PCDHGA4: variants seen among roughly 807,000 people sequenced by gnomAD.
The protein encoded by PCDHGA4 is protocadherin gamma subfamily A, 4.
Under a neutral mutation model 54.6 loss-of-function variants are expected in PCDHGA4, and 38 were observed. The ratio of observed to expected loss-of-function variants is 0.70; its 90% CI spans 0.54 to 0.91. The LOEUF (loss-of-function observed/expected upper bound fraction) is 0.91. Among genes scored for constraint, PCDHGA4 ranks in the 40% least tolerant of loss-of-function variants. The pLI, the probability that PCDHGA4 is intolerant of heterozygous loss-of-function variation, is 0.00. For synonymous variants in PCDHGA4, 511 were observed against 512.9 expected, an observed-to-expected ratio of 1.00 and a Z score of 0.05; for missense variants, 1,298 against 1,220.9, an observed-to-expected ratio of 1.06 and a Z score of -0.94.
intron 1 of PCDHGA4, chr5:141,422,162 A>T: frequency 6.4e-7 from 1 of 1,571,230 alleles, no homozygotes; most frequent in Non-Finnish European, 8.6e-7. Context: ...GATTTTGAAA[A>T]ATATAGATTC....
At chr5:141,371,443 C>T in intron 1 of PCDHGA4, 1 of 1,613,978 alleles carries the variant, frequency 6.2e-7, no homozygotes, top group Non-Finnish European at 8.5e-7. Flanking sequence ...ATAACCCTGG[C>T]TTCTGAATCC....
In PCDHGA4 at chr5:141,356,548, C is replaced by G; in HGVS notation, c.1441C>G (p.Pro481Ala). ...LQVMDINDNP[P>A]TFPHASYSAY... Reference sequence around the variant, plus strand: ...AGTGATGGACATCAATGACAACCCACCCACTTTCCCTCATGCTTCCTACTC... The same window carrying G: ...AGTGATGGACATCAATGACAACCCAGCCACTTTCCCTCATGCTTCCTACTC... The change falls in exon 1 of 4, where the codon CCC (proline) becomes GCC (alanine). Residue 481 changes from proline (P) to alanine (A), a missense_variant. Coordinates refer to ENST00000571252, the MANE Select transcript of PCDHGA4 (RefSeq NM_018917.4). The G allele has an allele frequency of 6.2e-7, 1 of 1,614,130 alleles. No homozygotes were observed. The highest frequency in any genetic ancestry group is 8.5e-7 in the Non-Finnish European group (1 of 1,179,992).
At chr5:141,399,454 G>A in intron 1 of PCDHGA4, 1 of 1,613,992 alleles carries the variant, frequency 6.2e-7, no homozygotes. Flanking sequence ...AGACGTCAAC[G>A]ATAACGCTCC....
At chr5:141,492,703 G>A (rs2099743198) in intron 1 of PCDHGA4, among the ~76,000 whole-genome samples, 1 of 152,246 alleles carries the variant, frequency 6.6e-6, no homozygotes, top group Non-Finnish European at 1.5e-5. Flanking sequence ...CAACCCAGAA[G>A]CCTCGAGCAG....
intron 2 of PCDHGA4, among the ~76,000 whole-genome samples, chr5:141,504,451 G>A (rs2099838355): frequency 1.3e-5 from 2 of 152,070 alleles, no homozygotes; most frequent in South Asian, 4.2e-4. Context: ...CTAGTGCCAT[G>A]TGGGGCAGCC....
intron 2 of PCDHGA4, among the ~76,000 whole-genome samples, chr5:141,495,587 C>T (rs1391263118): frequency 6.6e-6 from 1 of 152,238 alleles, no homozygotes. Context: ...TTCTCCATCT[C>T]TGTCTTAGCT....
At chr5:141,415,475 C>T in intron 1 of PCDHGA4, 1 of 1,614,162 alleles carries the variant, frequency 6.2e-7, no homozygotes, top group Non-Finnish European at 8.5e-7. Flanking sequence ...ACCGCGGACT[C>T]GCGAAAGAGT....
chr5:141,488,705 G>T (rs1024064135), intron 1 of PCDHGA4, among the ~76,000 whole-genome samples: 1 of 152,200 alleles, frequency 6.6e-6, no homozygotes, highest in Non-Finnish European at 1.5e-5. Context: ...AGATTTTGCT[G>T]GTTCAAGCAA....
At chr5:141,429,169 T>TACACACACACACACACAC (rs10667977) in intron 1 of PCDHGA4, 2 of 145,394 alleles carry the variant, frequency 1.4e-5, no homozygotes, top group African/African-American at 5.1e-5. Flanking sequence ...ACATTGTTTA[T>TACACACACACACACACAC]ACACACACAC....
chr5:141,413,180 C>CCGCTCAAAGGAAT (rs760676891), intron 1 of PCDHGA4: 75 of 1,602,494 alleles, frequency 4.7e-5, no homozygotes, highest in Non-Finnish European at 6.1e-5. Flanking sequence ...ACTACAATGG[C>CCGCTCAAAGGAAT]CGCTCAAAGG....
chr5:141,419,479 C>A, intron 1 of PCDHGA4: 2 of 1,612,390 alleles, frequency 1.2e-6, no homozygotes, highest in Non-Finnish European at 1.7e-6. Flanking sequence ...AGGGCTCGCC[C>A]GCGCTCAGCG....
chr5:141,460,987 A>G (rs201722325), intron 1 of PCDHGA4, among the ~76,000 whole-genome samples: 34 of 92,988 alleles, frequency 3.7e-4, no homozygotes, highest in Middle Eastern at 5.0e-3. Flanking sequence ...GTGTGTGTAT[A>G]TATATATATG....
At chr5:141,463,418 C>A (rs1442067485) in intron 1 of PCDHGA4, among the ~76,000 whole-genome samples, 3 of 138,240 alleles carry the variant, frequency 2.2e-5, no homozygotes, top group Admixed American at 7.4e-5. Context: ...TCCTAGTTTG[C>A]GGATCCTCAT....
intron 1 of PCDHGA4, chr5:141,365,502 C>A (rs373907411): frequency 7.6e-5 from 122 of 1,613,800 alleles, no homozygotes; most frequent in Admixed American, 1.3e-4. Context: ...AGGAATTTGC[C>A]TTTTAAATTG....
chr5:141,415,113 C>T, intron 1 of PCDHGA4: 1 of 1,613,642 alleles, frequency 6.2e-7, no homozygotes, highest in Middle Eastern at 1.7e-4. Context: ...AGCAAAGCCT[C>T]GTAGTGGCCG....
At chr5:141,506,680 A>G (rs949777571) in intron 3 of PCDHGA4, among the ~76,000 whole-genome samples, 1 of 152,212 alleles carries the variant, frequency 6.6e-6, no homozygotes, top group Non-Finnish European at 1.5e-5. Context: ...ATATATTATT[A>G]TCTTTGCTGA....
At chr5:141,503,230 G>A (rs911238781) in intron 2 of PCDHGA4, among the ~76,000 whole-genome samples, 1 of 152,006 alleles carries the variant, frequency 6.6e-6, no homozygotes, top group African/African-American at 2.4e-5. Context: ...CCGTAAAGAT[G>A]GACAGTTTCT....
intron 1 of PCDHGA4, among the ~76,000 whole-genome samples, chr5:141,458,079 C>G (rs1016889225): frequency 6.6e-6 from 1 of 152,186 alleles, no homozygotes; most frequent in Non-Finnish European, 1.5e-5. Context: ...AACTATATTG[C>G]CGTAAGTTAA....
In PCDHGA4 at chr5:141,500,954, C is replaced by T. The variant is rs536993707; in HGVS notation, c.2574-4439C>T. On this transcript the variant is annotated intron_variant, in intron 2 of 3. Coordinates refer to ENST00000571252, the MANE Select transcript of PCDHGA4 (RefSeq NM_018917.4). Reference sequence around the variant, plus strand: ...CGCCATCTCGGCTCACTGCAAGCTCCACCTCCTGGGTTCAAGCAATTCTCC... The same window carrying T: ...CGCCATCTCGGCTCACTGCAAGCTCTACCTCCTGGGTTCAAGCAATTCTCC... Among the ~76,000 whole-genome samples the T allele has an allele frequency of 2.4e-3, 358 of 152,060 alleles. 1 individual carries two copies. The highest frequency in any genetic ancestry group is 4.1e-3 in the Admixed American group (63 of 15,282).
Sources: gnomAD v4.1 joint callset for allele counts (sites outside exome capture counted in the v4.1 genomes callset) on GRCh38, gnomAD v4.1.1 for gene constraint, MANE v1.5 for transcripts, NCBI Gene and HGNC (gene_info 2026-07-23, HGNC 2026-07-21) for gene names.